Variants in FBXL7 observed in about 807,000 individuals in gnomAD.
FBXL7 encodes F-box and leucine rich repeat protein 7.
A neutral mutation model predicts 38.3 loss-of-function variants in FBXL7; 12 were observed. The ratio of observed to expected loss-of-function variants is 0.31; its 90% CI spans 0.20 to 0.51. The LOEUF is 0.51. Ranked by LOEUF, FBXL7 falls within the 20% of genes least tolerant of loss-of-function variation. The pLI, the probability that FBXL7 is intolerant of heterozygous loss-of-function variation, is 0.98. For synonymous variants in FBXL7, 297 were observed against 300.9 expected, an observed-to-expected ratio of 0.99 and a Z score of 0.13; for missense variants, 567 against 676.4, an observed-to-expected ratio of 0.84 and a Z score of 1.79.
intron 3 of FBXL7, among the ~76,000 whole-genome samples, chr5:15,929,018 A>T (rs925068453): frequency 6.6e-6 from 1 of 152,174 alleles, no homozygotes; most frequent in African/African-American, 2.4e-5. Flanking sequence ...AGGCTAACTC[A>T]AGCACAGTTA....
intron 2 of FBXL7, among the ~76,000 whole-genome samples, chr5:15,859,217 G>A (rs1403509465): frequency 2.0e-5 from 3 of 152,148 alleles, no homozygotes; most frequent in African/African-American, 7.2e-5. Flanking sequence ...ACTGGGCCCA[G>A]GCTGCAGTAG....
chr5:15,736,001 G>T (rs1483122839), intron 2 of FBXL7, among the ~76,000 whole-genome samples: 5 of 152,204 alleles, frequency 3.3e-5, no homozygotes, highest in Admixed American at 2.6e-4. Context: ...TTCATAGTAA[G>T]CCATGGAATT....
chr5:15,877,320 C>T (rs191447890), intron 2 of FBXL7, among the ~76,000 whole-genome samples: 63 of 152,350 alleles, frequency 4.1e-4, no homozygotes, highest in African/African-American at 1.4e-3. Flanking sequence ...AGCTCTTGCT[C>T]AGTCACTTTG....
chr5:15,508,572 T>C (rs1736708800), intron 1 of FBXL7, among the ~76,000 whole-genome samples: 1 of 152,098 alleles, frequency 6.6e-6, no homozygotes, highest in South Asian at 2.1e-4. Flanking sequence ...GTGCTAGAGA[T>C]TTCTGCATTG....
chr5:15,698,699 T>C (rs150728002), intron 2 of FBXL7, among the ~76,000 whole-genome samples: 158 of 152,352 alleles, frequency 1.0e-3, no homozygotes, highest in African/African-American at 3.5e-3. Context: ...TCTACAGTGA[T>C]TTACAATTAG....
At chr5:15,602,827 T>G (rs1739843832) in intron 1 of FBXL7, among the ~76,000 whole-genome samples, 1 of 152,086 alleles carries the variant, frequency 6.6e-6, no homozygotes, top group Admixed American at 6.6e-5. Flanking sequence ...TCATACTGGA[T>G]TTTTAAAAAT....
intron 1 of FBXL7, among the ~76,000 whole-genome samples, chr5:15,511,576 G>A (rs990734557): frequency 6.6e-6 from 1 of 152,178 alleles, no homozygotes; most frequent in Non-Finnish European, 1.5e-5. Flanking sequence ...AACATATATT[G>A]GAGAATTTGC....
In FBXL7 at chr5:15,865,288, G is replaced by T. The variant is rs538344715; in HGVS notation, c.128-62602G>T. On this transcript the variant is annotated intron_variant, in intron 2 of 3. Coordinates refer to ENST00000504595, the MANE Select transcript of FBXL7 (RefSeq NM_012304.5). ...AGGAAGGGCTGTTCCCAAAGGAAAG[G>T]TTGCAAGGAGGTTGAATGAGTACCA... Among the ~76,000 whole-genome samples, 6 of 152,264 alleles carry T rather than the reference G, an allele frequency of 3.9e-5. No individual in the cohort carries two copies. In the South Asian group the frequency reaches 1.2e-3, roughly 32 times the overall value.
intron 1 of FBXL7, among the ~76,000 whole-genome samples, chr5:15,511,176 T>TTAACTCA (rs1367996149): frequency 6.6e-6 from 1 of 152,238 alleles, no homozygotes; most frequent in Non-Finnish European, 1.5e-5. Context: ...AGGGAAACTT[T>TTAACTCA]TAACTCATTT....
intron 2 of FBXL7, 132 bp downstream of exon 2, chr5:15,616,204 T>C (rs1740447588): frequency 1.1e-5 from 6 of 558,918 alleles, no homozygotes; most frequent in Non-Finnish European, 1.6e-5. Context: ...AATGAGGATG[T>C]TCAGGGTCTC....
chr5:15,693,263 T>C (rs1360062638), intron 2 of FBXL7, among the ~76,000 whole-genome samples: 1 of 152,128 alleles, frequency 6.6e-6, no homozygotes, highest in African/African-American at 2.4e-5. Context: ...GAATGGGCGA[T>C]GGTGGATGCC....
At chr5:15,872,367 C>T (rs1272223437) in intron 2 of FBXL7, among the ~76,000 whole-genome samples, 1 of 152,078 alleles carries the variant, frequency 6.6e-6, no homozygotes, top group East Asian at 1.9e-4. Context: ...GCTGCATCAA[C>T]TAGCCAGCTA....
chr5:15,769,015 T>G (rs983286428), intron 2 of FBXL7, among the ~76,000 whole-genome samples: 1 of 152,230 alleles, frequency 6.6e-6, no homozygotes, highest in African/African-American at 2.4e-5. Flanking sequence ...GATATTTACA[T>G]CTGTTTGCCA....
chr5:15,514,893 G>C (rs1736894684), intron 1 of FBXL7, among the ~76,000 whole-genome samples: 1 of 152,176 alleles, frequency 6.6e-6, no homozygotes, highest in Non-Finnish European at 1.5e-5. Context: ...CAATTCTGAA[G>C]GGTCATTTTG....
intron 2 of FBXL7, among the ~76,000 whole-genome samples, chr5:15,906,672 C>A (rs1193593103): frequency 1.0e-5 from 1 of 100,044 alleles, no homozygotes; most frequent in Non-Finnish European, 1.9e-5. Context: ...CCCCCTCCCC[C>A]GACCCCACCA....
At chr5:15,729,903 G>A (rs994584989) in intron 2 of FBXL7, among the ~76,000 whole-genome samples, 1 of 152,214 alleles carries the variant, frequency 6.6e-6, no homozygotes, top group East Asian at 1.9e-4. Context: ...TAAGTCAATC[G>A]GGTAACGCTC....
At chr5:15,924,103 G>A (rs1290955821) in intron 2 of FBXL7, among the ~76,000 whole-genome samples, 1 of 152,126 alleles carries the variant, frequency 6.6e-6, no homozygotes, top group East Asian at 1.9e-4. Flanking sequence ...AATAATGAAG[G>A]TGGGTACCAT....
chr5:15,865,650 C>T (rs372374376), intron 2 of FBXL7, among the ~76,000 whole-genome samples: 2 of 152,062 alleles, frequency 1.3e-5, no homozygotes, highest in African/African-American at 4.8e-5. Context: ...CTGGGTCTCT[C>T]TCTCTCTCCC....
At chr5:15,678,472 T>C (rs183065451) in intron 2 of FBXL7, among the ~76,000 whole-genome samples, 3 of 152,320 alleles carry the variant, frequency 2.0e-5, no homozygotes, top group Non-Finnish European at 2.9e-5. Context: ...ATGGTGTATG[T>C]GGGTTAGCAA....
Sources: allele counts gnomAD v4.1 joint callset (sites outside exome capture counted in the v4.1 genomes callset), GRCh38; gene constraint gnomAD v4.1.1; transcripts MANE v1.5; gene names NCBI Gene and HGNC (gene_info 2026-07-23, HGNC 2026-07-21).